The following SYNPO2 variants were observed in gnomAD, a reference collection of about 807,000 sequenced individuals.
SYNPO2 encodes the protein synaptopodin-2.
Under a neutral mutation model 85.0 loss-of-function variants are expected in SYNPO2, and 56 were observed. That is an observed-to-expected ratio of 0.66 (90% CI 0.53 to 0.82). The LOEUF is 0.82. SYNPO2 is among the 40% of genes least tolerant of loss of function. The probability of loss-of-function intolerance (pLI) is 0.00; values close to 1 mark genes in which losing one functional copy is unlikely to be tolerated. For missense variants in SYNPO2, 1,575 were observed against 1,534.2 expected (o/e 1.03, Z -0.44); for synonymous variants, 602 against 591.1 (o/e 1.02, Z -0.27).
In SYNPO2 at chr4:119,006,821, T is replaced by TG. The variant is rs144505166; in HGVS notation, c.106-16608dup. On this transcript the variant is annotated intron_variant, in intron 1 of 4. Coordinates refer to ENST00000307142, the MANE Select transcript of SYNPO2 (RefSeq NM_133477.3). ...GTATAGCCAGGGTATTGCAACATGC[T>TG]GACATGGTCTCTCTCATTACATTTA... Among the ~76,000 whole-genome samples, 871 of 152,256 alleles carry TG rather than the reference T, an allele frequency of 5.7e-3. 10 individuals carry two copies. The highest frequency in any genetic ancestry group is 0.02 in the African/African-American group (817 of 41,564).
intron 1 of SYNPO2, among the ~76,000 whole-genome samples, chr4:118,997,036 C>T (rs1314439394): frequency 1.3e-5 from 2 of 151,166 alleles, no homozygotes; most frequent in Non-Finnish European, 2.9e-5. Flanking sequence ...GTCAGGAGAT[C>T]GAGACCATCC....
rs1193913578 is a variant in SYNPO2, at chr4:119,027,285, G to C, written c.916G>C (p.Glu306Gln). Residue 306 changes from glutamate to glutamine, a missense_variant, in exon 3 of 5, where the codon GAG becomes CAG. Glu to Gln is a conservative substitution (Grantham distance 29). Transcript: ENST00000307142. ...TEGCRLQAGK[E>Q]CVDSPVEGGQ... The stretch of plus-strand genomic sequence containing the variant: ...AGGGTGCAGGCTTCAGGCAGGAAAG[G>C]AGTGTGTGGATTCTCCAGTGGAAGG... 6.2e-7 allele frequency: 1 copy of C among 1,614,042 alleles called. No individual in the cohort carries two copies. Among genetic ancestry groups the C allele is most frequent in the Non-Finnish European group, 8.5e-7 (1 of 1,180,048 alleles).
At chr4:118,909,683 T>C (rs1249640923) in intron 1 of SYNPO2, among the ~76,000 whole-genome samples, 1 of 152,216 alleles carries the variant, frequency 6.6e-6, no homozygotes, top group African/African-American at 2.4e-5. Flanking sequence ...TCAGTGAACT[T>C]ATTCCTGTGC....
intron 1 of SYNPO2, among the ~76,000 whole-genome samples, chr4:118,856,132 C>G (rs1174475136): frequency 2.0e-5 from 3 of 152,152 alleles, no homozygotes; most frequent in African/African-American, 7.2e-5. Flanking sequence ...GTCAGCGAGT[C>G]ATTTGAGGGT....
Position 118,996,335 on chromosome 4 carries a change from C to G in SYNPO2, c.106-27095C>G, listed in dbSNP as rs188834857. The stretch of plus-strand genomic sequence containing the variant: ...GGTTTCCCAAAATGATCAGCCACCC[C>G]CTTCGTCCACCACTTTTGCAATGCT... On this transcript the variant is annotated intron_variant, in intron 1 of 4. Transcript: ENST00000307142. Among the ~76,000 whole-genome samples the G allele has an allele frequency of 1.1e-4, 16 of 152,304 alleles. No individual in the cohort carries two copies. In the East Asian group the frequency reaches 1.7e-3, roughly 17 times the overall value.
At chr4:119,025,434 T>C (rs952467186) in intron 2 of SYNPO2, among the ~76,000 whole-genome samples, 1 of 152,222 alleles carries the variant, frequency 6.6e-6, no homozygotes, top group African/African-American at 2.4e-5. Context: ...TCCAATTACT[T>C]GCGTATAGAG....
At chr4:119,055,159 T>TTA (rs1200928550) in intron 4 of SYNPO2, among the ~76,000 whole-genome samples, 3 of 146,710 alleles carry the variant, frequency 2.0e-5, no homozygotes, top group African/African-American at 7.9e-5. Context: ...ATTTATTTAT[T>TTA]TTTTTTTTTT....
rs756367310 is a variant in SYNPO2, at chr4:119,057,481, T to G, written c.3333T>G (p.Thr1111=). Residue 1111 remains threonine, a synonymous_variant, in exon 5 of 5, where the codon ACT becomes ACG. Transcript: ENST00000307142. ...ISTSPWVYQP[T]YSYSSKPTDG... ...CATCTCCTTGGGTATACCAGCCTAC[T>G]TATAGTTACTCTAGTAAACCAACCG... 1 of 1,613,982 alleles carries G rather than the reference T, an allele frequency of 6.2e-7. No homozygotes were observed. Among genetic ancestry groups the G allele is most frequent in the African/African-American group, 1.3e-5 (1 of 74,908 alleles).
At chr4:118,997,016 G>A (rs563556364) in intron 1 of SYNPO2, among the ~76,000 whole-genome samples, 4 of 151,720 alleles carry the variant, frequency 2.6e-5, no homozygotes, top group Admixed American at 6.6e-5. Context: ...CGAGGCGGGC[G>A]GATCACGAGG....
At chr4:118,915,010 A>T (rs1733264393) in intron 1 of SYNPO2, among the ~76,000 whole-genome samples, 1 of 44,192 alleles carries the variant, frequency 2.3e-5, no homozygotes, top group African/African-American at 6.2e-5. Context: ...AAAAAGTTCT[A>T]CAAAAAAAAA....
intron 1 of SYNPO2, among the ~76,000 whole-genome samples, chr4:118,961,296 A>G (rs1387584267): frequency 6.6e-6 from 1 of 152,118 alleles, no homozygotes; most frequent in Admixed American, 6.5e-5. Context: ...CCCAGCCTAC[A>G]GATTCCACAG....
At chr4:118,912,437 C>T (rs913772777) in intron 1 of SYNPO2, among the ~76,000 whole-genome samples, 3 of 152,120 alleles carry the variant, frequency 2.0e-5, no homozygotes, top group African/African-American at 7.2e-5. Context: ...TGTTTCAGCC[C>T]CCTAAATTGC....
chr4:118,936,739 T>C (rs1044473945), intron 1 of SYNPO2, among the ~76,000 whole-genome samples: 3 of 152,162 alleles, frequency 2.0e-5, no homozygotes, highest in South Asian at 4.1e-4. Context: ...ATAAGATCAC[T>C]AACAATTATC....
intron 1 of SYNPO2, among the ~76,000 whole-genome samples, chr4:118,913,731 A>G (rs775877760): frequency 1.3e-5 from 2 of 152,086 alleles, no homozygotes; most frequent in Non-Finnish European, 2.9e-5. Context: ...AGATCTTGCT[A>G]CCTCACCATC....
At chr4:118,851,170 A>C (rs1473372704) in intron 1 of SYNPO2, among the ~76,000 whole-genome samples, 1 of 151,862 alleles carries the variant, frequency 6.6e-6, no homozygotes, top group Non-Finnish European at 1.5e-5. Context: ...TTTCTTCCTC[A>C]CATTGTCCTA....
chr4:118,908,944 A>G (rs1733041253), intron 1 of SYNPO2, among the ~76,000 whole-genome samples: 1 of 152,194 alleles, frequency 6.6e-6, no homozygotes, highest in Non-Finnish European at 1.5e-5. Flanking sequence ...AAAAGGAACT[A>G]AATAATGTGT....
At position 119,042,024 on chromosome 4, in the gene SYNPO2, C is replaced by T. The variant is rs1261152080; in HGVS notation, c.3252+9997C>T. On this transcript the variant is annotated intron_variant, in intron 4 of 4. Coordinates refer to ENST00000307142, the MANE Select transcript of SYNPO2 (RefSeq NM_133477.3). ...ACCCATAAATAGTTTTCCTGTTTATCCAGTCAGGGACAGCCAGACTTGTAA... is the reference window on the plus strand; with the variant it reads ...ACCCATAAATAGTTTTCCTGTTTATTCAGTCAGGGACAGCCAGACTTGTAA... 2.0e-5 allele frequency: 3 copies of T among 152,200 alleles called. No homozygotes were observed. The East Asian group carries it at 5.8e-4, about 29-fold the overall frequency. The allele number at this position is 152,200 out of a possible 1,614,324, so 9.4% of individuals were successfully genotyped here. A position where few individuals can be genotyped will look rare whatever the true frequency, so the allele number is the denominator to read the frequency against.
intron 4 of SYNPO2, 182 bp downstream of exon 4, chr4:119,032,209 T>TTTTTTTTTTTTTTTTTTTTTTTGAGACG: frequency 7.0e-7 from 1 of 1,438,652 alleles, no homozygotes; most frequent in East Asian, 2.5e-5. Context: ...ATATTTTTAA[T>TTTTTTTTTTTTTTTTTTTTTTTGAGACG]GAGTCAAAAA....
intron 1 of SYNPO2, among the ~76,000 whole-genome samples, chr4:118,876,159 G>A (rs1731902269): frequency 6.6e-6 from 1 of 152,150 alleles, no homozygotes; most frequent in African/African-American, 2.4e-5. Context: ...GGGTCCAAGA[G>A]GCTCAGCTTC....
Sources: allele counts gnomAD v4.1 joint callset (sites outside exome capture counted in the v4.1 genomes callset), GRCh38; gene constraint gnomAD v4.1.1; transcripts MANE v1.5; gene names NCBI Gene and HGNC (gene_info 2026-07-23, HGNC 2026-07-21).